RIMBP2: variants seen among roughly 807,000 people sequenced by gnomAD.
RIMBP2 encodes RIMS binding protein 2.
A neutral mutation model predicts 118.6 loss-of-function variants in RIMBP2; 48 were observed. That is an observed-to-expected ratio of 0.40 (90% CI 0.32 to 0.51). The LOEUF (loss-of-function observed/expected upper bound fraction) is 0.51. RIMBP2 is among the 20% of genes least tolerant of loss of function. The pLI, the probability that RIMBP2 is intolerant of heterozygous loss-of-function variation, is 0.41. For missense variants in RIMBP2, 1,551 were observed against 1,768.3 expected, an observed-to-expected ratio of 0.88 and a Z score of 2.20; for synonymous variants, 762 against 742.9, an observed-to-expected ratio of 1.03 and a Z score of -0.42.
chr12:130,474,792 T>G (rs1198087536), intron 5 of RIMBP2, among the ~76,000 whole-genome samples: 5 of 152,150 alleles, frequency 3.3e-5, no homozygotes, highest in Non-Finnish European at 7.4e-5. Flanking sequence ...ACGACTGCAC[T>G]CCGGGTCCCA....
intron 1 of RIMBP2, among the ~76,000 whole-genome samples, chr12:130,642,927 C>A (rs775893790): frequency 6.6e-6 from 1 of 152,198 alleles, no homozygotes; most frequent in Non-Finnish European, 1.5e-5. Flanking sequence ...AGGAGGGAAC[C>A]TGCTTCCCTC....
chr12:130,467,894 T>C (rs551304278), intron 6 of RIMBP2, among the ~76,000 whole-genome samples: 6 of 152,276 alleles, frequency 3.9e-5, no homozygotes, highest in East Asian at 3.9e-4. Flanking sequence ...CCTGAATTGA[T>C]TGAGACCCAT....
At chr12:130,439,093 GT>G (rs1467749486) in intron 11 of RIMBP2, among the ~76,000 whole-genome samples, 1 of 151,976 alleles carries the variant, frequency 6.6e-6, no homozygotes, top group African/African-American at 2.4e-5. Context: ...AAGAGACCAG[GT>G]CTGATGACAT....
intron 2 of RIMBP2, among the ~76,000 whole-genome samples, chr12:130,546,200 T>C (rs1459948567): frequency 7.1e-6 from 1 of 141,086 alleles, no homozygotes; most frequent in Non-Finnish European, 1.5e-5. Context: ...GCCTCCCAGG[T>C]TCAAGTGATT....
chr12:130,460,969 C>G (rs2079930313), intron 6 of RIMBP2, among the ~76,000 whole-genome samples: 1 of 152,136 alleles, frequency 6.6e-6, no homozygotes. Context: ...GAGAAACGCC[C>G]CCAGGCTCCC....
At position 130,424,549 on chromosome 12, in the gene RIMBP2, G is replaced by A. The variant is rs1334520068; in HGVS notation, c.2722C>T (p.Arg908Trp). ...CTCCGGGTGGCCGAGCGGCTGAACC[G>A]ACAGCCCCTGTCTTCCAGAAGGAAG... is the stretch of plus-strand genomic sequence containing the variant. ...EDFLLEDRGC[R>W]FSRSATRSPD... The change falls in exon 16 of 23, where the codon CGG (arginine) becomes TGG (tryptophan). Residue 908 changes from arginine (R) to tryptophan (W), a missense_variant. Coordinates refer to ENST00000690449, the MANE Select transcript of RIMBP2 (RefSeq NM_001393629.1). The surrounding 1 kb of genome is among the most constrained non-coding windows in gnomAD (Gnocchi z 9.8). 61 of 1,231,822 alleles carry A rather than the reference G, an allele frequency of 5.0e-5. No homozygotes were observed. Among genetic ancestry groups the A allele is most frequent in the Admixed American group, 3.0e-4 (7 of 23,708 alleles). The allele number at this position is 1,231,822 out of a possible 1,614,324, so 76.3% of individuals were successfully genotyped here. A position where few individuals can be genotyped will look rare whatever the true frequency, so the allele number is the denominator to read the frequency against.
At chr12:130,439,759 C>CTG (rs1032267936) in intron 11 of RIMBP2, among the ~76,000 whole-genome samples, 2 of 93,956 alleles carry the variant, frequency 2.1e-5, no homozygotes, top group African/African-American at 8.4e-5. Flanking sequence ...GTGGGGGTGT[C>CTG]TGTGTGTGTG....
rs979297944 is a variant in RIMBP2 at position 130,688,876 on chromosome 12, C to T, written c.-352+27346G>A. ...AACGCTGGCTGAAACGTGGGCCTCA[C>T]GTTGCCTGAGGCAGCCCACCCCACT... On this transcript the variant is annotated intron_variant, in intron 1 of 22. Transcript: ENST00000690449. This position sits in a 1 kb window ranked among gnomAD's most constrained non-coding sequence, Gnocchi z 4.7. 2.6e-5 allele frequency among the ~76,000 whole-genome samples: 4 copies of T among 152,352 alleles called. No homozygotes were observed. The highest frequency in any genetic ancestry group is 1.9e-4 in the East Asian group (1 of 5,172).
intron 4 of RIMBP2, among the ~76,000 whole-genome samples, chr12:130,502,584 G>C (rs1379822786): frequency 6.6e-6 from 1 of 152,070 alleles, no homozygotes; most frequent in Non-Finnish European, 1.5e-5. Flanking sequence ...TAGGTCTAGG[G>C]AAGCCTCCTG....
chr12:130,549,898 G>T (rs2055569920), intron 2 of RIMBP2, among the ~76,000 whole-genome samples: 1 of 152,060 alleles, frequency 6.6e-6, no homozygotes, highest in Admixed American at 6.5e-5. Flanking sequence ...TGGGTCCATG[G>T]TATTTCTGCT....
chr12:130,616,711 C>T (rs189035258), intron 2 of RIMBP2, among the ~76,000 whole-genome samples: 41 of 152,322 alleles, frequency 2.7e-4, no homozygotes, highest in Middle Eastern at 3.4e-3. Flanking sequence ...GGCAGGAAGA[C>T]GTGAATGTCC....
chr12:130,398,923 T>C, intron 22 of RIMBP2: 1 of 320,678 alleles, frequency 3.1e-6, no homozygotes, highest in Non-Finnish European at 5.8e-6. Flanking sequence ...TTTGCTTCAC[T>C]ATAAATTCAG....
At chr12:130,606,598 A>C (rs1404194068) in intron 2 of RIMBP2, among the ~76,000 whole-genome samples, 2 of 151,872 alleles carry the variant, frequency 1.3e-5, no homozygotes, top group East Asian at 3.9e-4. Context: ...TTATAGCAAA[A>C]CTCTTAGTGG....
intron 5 of RIMBP2, among the ~76,000 whole-genome samples, chr12:130,476,402 T>C (rs2081429789): frequency 6.6e-6 from 1 of 152,178 alleles, no homozygotes; most frequent in Non-Finnish European, 1.5e-5. Context: ...GTGACTTCTA[T>C]CTTGGTAGGG....
At chr12:130,452,796 C>T (rs572136379) in intron 7 of RIMBP2, among the ~76,000 whole-genome samples, 15 of 152,296 alleles carry the variant, frequency 9.8e-5, no homozygotes, top group East Asian at 1.9e-4. Context: ...TGCCTGACAC[C>T]GCGCCACAGT....
At chr12:130,698,050 G>A (rs958382908) in intron 1 of RIMBP2, among the ~76,000 whole-genome samples, 12 of 152,212 alleles carry the variant, frequency 7.9e-5, no homozygotes, top group African/African-American at 2.7e-4. Flanking sequence ...GCCTGGAGAA[G>A]AGGAGAAAGT....
At chr12:130,433,941 G>A (rs927629367) in intron 14 of RIMBP2, among the ~76,000 whole-genome samples, 2 of 152,216 alleles carry the variant, frequency 1.3e-5, no homozygotes, top group African/African-American at 4.8e-5. Context: ...TGAACGATTT[G>A]GATCTTCCAG....
At chr12:130,546,046 A>G (rs893819056) in intron 2 of RIMBP2, among the ~76,000 whole-genome samples, 4 of 149,900 alleles carry the variant, frequency 2.7e-5, no homozygotes, top group Admixed American at 6.6e-5. Context: ...CTCATGGGAG[A>G]GTCCTGTCCC....
At chr12:130,520,889 C>T (rs936446958) in intron 2 of RIMBP2, among the ~76,000 whole-genome samples, 2 of 152,164 alleles carry the variant, frequency 1.3e-5, no homozygotes, top group Non-Finnish European at 2.9e-5. Flanking sequence ...TACTATGAGA[C>T]TTTATTTGCC....
Sources: allele counts gnomAD v4.1 joint callset (sites outside exome capture counted in the v4.1 genomes callset), GRCh38; gene constraint gnomAD v4.1.1; non-coding constraint Gnocchi (gnomAD v3.1); transcripts MANE v1.5; gene names NCBI Gene and HGNC (gene_info 2026-07-23, HGNC 2026-07-21).